Variants in KLF13 observed in about 807,000 individuals in gnomAD.
KLF13 encodes the protein Krueppel-like factor 13.
A neutral mutation model predicts 16.7 loss-of-function variants in KLF13; 8 were observed. The ratio of observed to expected loss-of-function variants is 0.48; its 90% CI spans 0.28 to 0.87. The LOEUF (loss-of-function observed/expected upper bound fraction) is 0.87. Ranked by LOEUF, KLF13 falls within the 40% of genes least tolerant of loss-of-function variation. The pLI, the probability that KLF13 is intolerant of heterozygous loss-of-function variation, is 0.10. For missense variants in KLF13, 447 were observed against 452.2 expected (o/e 0.99, Z 0.10); for synonymous variants, 245 against 208.4 (o/e 1.18, Z -1.51).
chr15:31,421,172 TA>T (rs34533073), intron 1 of KLF13, among the ~76,000 whole-genome samples: 87,904 of 151,722 alleles, frequency 0.58, 25,932 homozygotes, highest in South Asian at 0.68. Flanking sequence ...TTTTGGTTAT[TA>T]AAAAAAAATG....
chr15:31,365,453 G>A (rs1203137684), intron 1 of KLF13, among the ~76,000 whole-genome samples: 1 of 152,170 alleles, frequency 6.6e-6, no homozygotes, highest in Non-Finnish European at 1.5e-5. Flanking sequence ...GCAGGAGGCC[G>A]GCAGAAGAGG....
At chr15:31,340,021 A>C in intron 1 of KLF13, 1 of 702,256 alleles carries the variant, frequency 1.4e-6, no homozygotes. Flanking sequence ...TGTTTATTTT[A>C]CTGTCAGTAG....
chr15:31,423,091 GTATA>G (rs1491110748), intron 1 of KLF13, among the ~76,000 whole-genome samples: 1 of 137,742 alleles, frequency 7.3e-6, no homozygotes. Context: ...ATATATATAC[GTATA>G]TATACGTATA....
At chr15:31,406,489 G>A (rs575467054), downstream of KLF13, among the ~76,000 whole-genome samples, 2 of 152,038 alleles carry the variant, frequency 1.3e-5, no homozygotes, top group African/African-American at 2.4e-5. Context: ...AGAGTGAGAC[G>A]TAAAATGTGT....
At chr15:31,381,996 C>A (rs578162243), downstream of KLF13, among the ~76,000 whole-genome samples, 2 of 152,270 alleles carry the variant, frequency 1.3e-5, no homozygotes, top group African/African-American at 4.8e-5. Context: ...TTTTCCTGAG[C>A]CTTGCCTTCA....
At chr15:31,352,377 C>G (rs2039230326) in intron 1 of KLF13, among the ~76,000 whole-genome samples, 1 of 152,244 alleles carries the variant, frequency 6.6e-6, no homozygotes, top group Non-Finnish European at 1.5e-5. Context: ...CTTGGTCCCG[C>G]TCAGAATGCA....
chr15:31,327,185 A>T lies in KLF13; in HGVS notation c.-28A>T. 1 of 1,291,150 alleles carries T rather than the reference A, an allele frequency of 7.7e-7. No individual in the cohort carries two copies. The highest frequency in any genetic ancestry group is 9.8e-7 in the Non-Finnish European group (1 of 1,020,786). The allele number at this position is 1,291,150 out of a possible 1,614,324, so 80.0% of individuals were successfully genotyped here. On this transcript the variant is annotated 5_prime_UTR_variant, in exon 1 of 2. Coordinates refer to ENST00000307145, the MANE Select transcript of KLF13 (RefSeq NM_015995.4). ...TGCGCGGCTGACGACTCGCAGCAAG[A>T]GCACCGCCGCCGGCCCCAGCCCGCA...
intron 1 of KLF13, among the ~76,000 whole-genome samples, chr15:31,429,802 C>T (rs2040449360): frequency 6.6e-6 from 1 of 151,616 alleles, no homozygotes; most frequent in Non-Finnish European, 1.5e-5. Context: ...GGCGCAATCT[C>T]GGCTCACTGC....
chr15:31,328,580 C>G (rs902921432), intron 1 of KLF13, among the ~76,000 whole-genome samples: 2 of 151,848 alleles, frequency 1.3e-5, no homozygotes, highest in Admixed American at 6.5e-5. Context: ...GCCTGCCCAC[C>G]TCTCACCTGC....
At chr15:31,411,119 A>G (rs1019558346) in intron 1 of KLF13, among the ~76,000 whole-genome samples, 4 of 152,216 alleles carry the variant, frequency 2.6e-5, no homozygotes, top group African/African-American at 4.8e-5. Flanking sequence ...ATTTTACACA[A>G]TCTCTTCCAG....
intron 1 of KLF13, among the ~76,000 whole-genome samples, chr15:31,424,628 C>A (rs1426607561): frequency 6.6e-6 from 1 of 151,978 alleles, no homozygotes; most frequent in African/African-American, 2.4e-5. Context: ...TATTATCTGA[C>A]CATATTAAAG....
At chr15:31,419,440 A>C (rs1660493843) in intron 1 of KLF13, among the ~76,000 whole-genome samples, 1 of 152,208 alleles carries the variant, frequency 6.6e-6, no homozygotes, top group South Asian at 2.1e-4. Context: ...ATGCATTAAC[A>C]AAGTGACAAT....
intron 1 of KLF13, among the ~76,000 whole-genome samples, chr15:31,368,423 C>G (rs777211574): frequency 6.6e-6 from 1 of 152,068 alleles, no homozygotes; most frequent in Non-Finnish European, 1.5e-5. Flanking sequence ...AATTTTTTTT[C>G]TGGAAACGAT....
rs534101588 is a variant in KLF13, at chr15:31,394,551, T to G, written n.529+860T>G. ...ATTTTAAAGAGTGTGGGTGTGTATT[T>G]TATATAGATTTTGCTTATTTTTTCA... On this transcript the variant is annotated intron_variant and non_coding_transcript_variant, in intron 2 of 2. Transcript: ENST00000500533. Among the ~76,000 whole-genome samples, 105 of 152,166 alleles carry G rather than the reference T, an allele frequency of 6.9e-4. 1 individual carries two copies. The highest frequency in any genetic ancestry group is 1.3e-3 in the Non-Finnish European group (87 of 67,966).
rs79826653 is a variant in KLF13, at chr15:31,370,413, C to T, written c.578-1597C>T. Among the ~76,000 whole-genome samples, 1,274 of 150,714 alleles carry T rather than the reference C, an allele frequency of 8.5e-3. 23 individuals are homozygous for T. Among genetic ancestry groups the T allele is most frequent in the African/African-American group, 0.029 (1,205 of 41,014 alleles). Reference sequence around the variant, plus strand: ...CAATGCTGTTTTCAATTCCTAAATGCTGTTGTTTTTGCTTTTTTTTTTTGA... The same window carrying T: ...CAATGCTGTTTTCAATTCCTAAATGTTGTTGTTTTTGCTTTTTTTTTTTGA... On this transcript the variant is annotated intron_variant, in intron 1 of 1. Transcript: ENST00000307145.
rs1379444692 is a variant in KLF13, at chr15:31,365,088, G to A, written c.578-6922G>A. Among the ~76,000 whole-genome samples the A allele has an allele frequency of 2.0e-5, 3 of 152,340 alleles. No homozygotes were observed. In the East Asian group the frequency reaches 5.8e-4, roughly 29 times the overall value. On this transcript the variant is annotated intron_variant, in intron 1 of 1. Coordinates refer to ENST00000307145, the MANE Select transcript of KLF13 (RefSeq NM_015995.4). ...GCAGTCTTGAGGTTGGGAGCTAGAA[G>A]TGGCCCCAAACCAGTGCCCACAGGG...
intron 1 of KLF13, among the ~76,000 whole-genome samples, chr15:31,370,523 A>T (rs927525987): frequency 2.0e-5 from 3 of 151,528 alleles, no homozygotes; most frequent in Non-Finnish European, 4.4e-5. Context: ...GGTTCAAGTG[A>T]TTCTCCTGCT....
intron 1 of KLF13, among the ~76,000 whole-genome samples, chr15:31,337,328 C>T (rs1483661484): frequency 1.3e-5 from 2 of 152,248 alleles, no homozygotes; most frequent in African/African-American, 2.4e-5. Flanking sequence ...GATGGTGTGG[C>T]AGAAGGAGGC....
chr15:31,360,440 C>T (rs1002330338), intron 1 of KLF13, among the ~76,000 whole-genome samples: 7 of 152,188 alleles, frequency 4.6e-5, no homozygotes, highest in African/African-American at 9.7e-5. Context: ...ACTAGACCTG[C>T]GGGCAGGGCT....
Sources: allele counts gnomAD v4.1 joint callset (sites outside exome capture counted in the v4.1 genomes callset), GRCh38; gene constraint gnomAD v4.1.1; transcripts MANE v1.5; gene names NCBI Gene and HGNC (gene_info 2026-07-23, HGNC 2026-07-21).